The following PGCKA1 variants were observed in gnomAD, a reference collection of about 807,000 sequenced individuals.
PGCKA1 encodes the protein PDCD10 and GCKIII kinases associated 1, also known as PDCD10 and GCKIII kinases-associated protein 1.
the PGCKA1 span, among the ~76,000 whole-genome samples, chr4:37,582,093 C>A: frequency 2.0e-5 from 3 of 152,144 alleles, no homozygotes; most frequent in African/African-American, 7.2e-5. Context: ...CTCCCTCCCC[C>A]AAACACACAG....
the PGCKA1 span, among the ~76,000 whole-genome samples, chr4:37,536,180 C>T: frequency 6.6e-6 from 1 of 152,154 alleles, no homozygotes; most frequent in African/African-American, 2.4e-5. Context: ...TAGCACAGCA[C>T]TTTGATGGTT....
chr4:37,495,914 A>G, the PGCKA1 span, among the ~76,000 whole-genome samples: 1 of 151,938 alleles, frequency 6.6e-6, no homozygotes, highest in South Asian at 2.1e-4. Flanking sequence ...GGGGTTGTTT[A>G]TTTTTCTTTT....
chr4:37,471,287 T>A, the PGCKA1 span, among the ~76,000 whole-genome samples: 2 of 152,204 alleles, frequency 1.3e-5, no homozygotes, highest in African/African-American at 4.8e-5. Context: ...GTCTGGTCAG[T>A]TGGCTGCATC....
chr4:37,508,693 G>GTTTTTTTTTTT, the PGCKA1 span, among the ~76,000 whole-genome samples: 15 of 53,304 alleles, frequency 2.8e-4, no homozygotes, highest in African/African-American at 9.7e-4. Context: ...CTTTTTTTTA[G>GTTTTTTTTTTT]TATTTATTGA....
At chr4:37,557,181 A>G in the PGCKA1 span, among the ~76,000 whole-genome samples, 1 of 152,260 alleles carries the variant, frequency 6.6e-6, no homozygotes, top group East Asian at 1.9e-4. Flanking sequence ...TCTATACATC[A>G]TAAACAAAGA....
chr4:37,468,310 A>C, the PGCKA1 span, among the ~76,000 whole-genome samples: 2 of 152,074 alleles, frequency 1.3e-5, no homozygotes, highest in East Asian at 1.9e-4. Flanking sequence ...TCAACCCCTC[A>C]TGTTGTGGGG....
chr4:37,509,587 G>A, the PGCKA1 span, among the ~76,000 whole-genome samples: 2 of 151,836 alleles, frequency 1.3e-5, no homozygotes, highest in Admixed American at 6.6e-5. Context: ...CTGCAATCTC[G>A]GCACTTTGGG....
the PGCKA1 span, among the ~76,000 whole-genome samples, chr4:37,488,972 C>T: frequency 4.6e-5 from 7 of 152,238 alleles, no homozygotes; most frequent in East Asian, 3.9e-4. Flanking sequence ...GTGAAACCCA[C>T]GTATATACCA....
chr4:37,570,411 A>G, the PGCKA1 span, among the ~76,000 whole-genome samples: 1 of 135,736 alleles, frequency 7.4e-6, no homozygotes, highest in Non-Finnish European at 1.5e-5. Flanking sequence ...TGCCCAAAAG[A>G]GTAGGAAATG....
the PGCKA1 span, among the ~76,000 whole-genome samples, chr4:37,490,473 A>G: frequency 6.6e-6 from 1 of 152,262 alleles, no homozygotes; most frequent in East Asian, 1.9e-4. Flanking sequence ...ACTTTAATGC[A>G]AACGTCTACC....
At chr4:37,570,318 G>A in the PGCKA1 span, among the ~76,000 whole-genome samples, 1 of 149,752 alleles carries the variant, frequency 6.7e-6, no homozygotes, top group Admixed American at 6.7e-5. Context: ...AATCTTTCAA[G>A]TTCTCTAAAA....
the PGCKA1 span, among the ~76,000 whole-genome samples, chr4:37,454,241 A>AG: frequency 6.6e-6 from 1 of 152,112 alleles, no homozygotes; most frequent in Non-Finnish European, 1.5e-5. Flanking sequence ...AATTCAACAA[A>AG]GGGGCTCTAA....
chr4:37,564,727 G>A, the PGCKA1 span, among the ~76,000 whole-genome samples: 4 of 151,950 alleles, frequency 2.6e-5, no homozygotes, highest in African/African-American at 4.8e-5. Flanking sequence ...GGCTGGTCTC[G>A]AACTCCTGAC....
At chr4:37,520,231 G>C in the PGCKA1 span, among the ~76,000 whole-genome samples, 8 of 152,074 alleles carry the variant, frequency 5.3e-5, no homozygotes, top group African/African-American at 1.9e-4. Flanking sequence ...TCTTTTTATT[G>C]ATGTGTCTTT....
chr4:37,516,846 CT>C, the PGCKA1 span, among the ~76,000 whole-genome samples: 1 of 152,186 alleles, frequency 6.6e-6, no homozygotes, highest in Non-Finnish European at 1.5e-5. Flanking sequence ...CCCAGTATTG[CT>C]TGCAGGAAAT....
chr4:37,592,990 A>G, the PGCKA1 span, among the ~76,000 whole-genome samples: 2 of 152,210 alleles, frequency 1.3e-5, no homozygotes. Context: ...TAAGGACGGC[A>G]CCCTTACAAA....
At chr4:37,539,337 C>G in the PGCKA1 span, among the ~76,000 whole-genome samples, 3 of 152,170 alleles carry the variant, frequency 2.0e-5, no homozygotes, top group Non-Finnish European at 4.4e-5. Context: ...TGCCACTGGT[C>G]TGTCCTGATA....
At chr4:37,573,898 A>G in the PGCKA1 span, among the ~76,000 whole-genome samples, 1 of 152,120 alleles carries the variant, frequency 6.6e-6, no homozygotes, top group Admixed American at 6.5e-5. Flanking sequence ...CATTTTAACA[A>G]CTCATTTTTA....
At chr4:37,464,154 G>A in the PGCKA1 span, among the ~76,000 whole-genome samples, 1 of 152,274 alleles carries the variant, frequency 6.6e-6, no homozygotes, top group African/African-American at 2.4e-5. Context: ...AAGAAACTGG[G>A]TGTGGGGGTT....
Sources: allele counts gnomAD v4.1 joint callset (sites outside exome capture counted in the v4.1 genomes callset), GRCh38; gene constraint gnomAD v4.1.1; transcripts MANE v1.5; gene names NCBI Gene and HGNC (gene_info 2026-07-23, HGNC 2026-07-21).